MRTFB: variants seen among roughly 807,000 people sequenced by gnomAD.
MRTFB encodes the protein myocardin-related transcription factor B.
Under a neutral mutation model 104.2 loss-of-function variants are expected in MRTFB, and 29 were observed. That is an observed-to-expected ratio of 0.28 (90% CI 0.21 to 0.38). The LOEUF is 0.38. Ranked by LOEUF, MRTFB falls within the 10% of genes least tolerant of loss-of-function variation. The pLI is 1.00. For synonymous variants in MRTFB, 535 were observed against 519.5 expected (o/e 1.03, Z -0.41); for missense variants, 1,270 against 1,341.6 (o/e 0.95, Z 0.83).
chr16:14,078,177 TTG>T (rs1462714744), intron 1 of MRTFB, among the ~76,000 whole-genome samples: 1 of 152,176 alleles, frequency 6.6e-6, no homozygotes, highest in East Asian at 1.9e-4. Context: ...TGCATGTAGC[TTG>T]TCTGTCATGC....
intron 8 of MRTFB, among the ~76,000 whole-genome samples, chr16:14,222,127 G>C (rs1567183961): frequency 6.6e-6 from 1 of 152,096 alleles, no homozygotes; most frequent in Admixed American, 6.6e-5. Context: ...AGTACAAGTG[G>C]TGGGGTAACA....
At chr16:14,194,397 C>T (rs1185770014) in intron 3 of MRTFB, among the ~76,000 whole-genome samples, 1 of 152,182 alleles carries the variant, frequency 6.6e-6, no homozygotes, top group Non-Finnish European at 1.5e-5. Flanking sequence ...CTCATGAGGA[C>T]ACTAACCCTG....
chr16:14,030,890 G>A, the MRTFB span, among the ~76,000 whole-genome samples: 9 of 152,312 alleles, frequency 5.9e-5, no homozygotes, highest in African/African-American at 2.2e-4. Context: ...GAATCCTGCA[G>A]GTTAGGAACA....
At chr16:14,246,446 A>G (rs768722178) in intron 11 of MRTFB, 27 bp from the exon 12 acceptor site, 1 of 1,606,554 alleles carries the variant, frequency 6.2e-7, no homozygotes, top group Admixed American at 1.7e-5. Context: ...TCTAATACTA[A>G]GATATCTGCT....
At chr16:14,244,301 T>C (rs1361258171) in intron 10 of MRTFB, among the ~76,000 whole-genome samples, 2 of 152,162 alleles carry the variant, frequency 1.3e-5, no homozygotes, top group Non-Finnish European at 2.9e-5. Context: ...TCTTGATGCG[T>C]AGTTGGGTTG....
intron 3 of MRTFB, chr16:14,152,809 G>T (rs1168160772): frequency 6.6e-6 from 1 of 152,090 alleles, no homozygotes; most frequent in African/African-American, 2.4e-5. Context: ...CCTTCTTCGT[G>T]TGTTTCTTTT....
chr16:14,254,301 A>T (rs1256255187), intron 15 of MRTFB, among the ~76,000 whole-genome samples: 1 of 152,378 alleles, frequency 6.6e-6, no homozygotes, highest in Non-Finnish European at 1.5e-5. Flanking sequence ...AATGTGGGTC[A>T]TAACAAAAAG....
chr16:14,154,546 A>T (rs751946643), intron 3 of MRTFB, among the ~76,000 whole-genome samples: 1 of 152,314 alleles, frequency 6.6e-6, no homozygotes, highest in South Asian at 2.1e-4. Context: ...ATAGTTATCT[A>T]TTGCTTTGTA....
At chr16:14,083,617 T>C (rs964534706) in intron 2 of MRTFB, among the ~76,000 whole-genome samples, 2 of 152,216 alleles carry the variant, frequency 1.3e-5, no homozygotes, top group African/African-American at 4.8e-5. Context: ...GGTATCTCTC[T>C]CCACGCTGTG....
Position 14,260,945 on chromosome 16 carries a change from T to G in MRTFB, c.2801T>G (p.Ile934Ser), listed in dbSNP as rs768308272. ...CCCATAAAAGAAGAACCTTCTCCTA[T>G]TTCCAAAATGAGACCAGTGACAGCC... The part of the protein sequence containing the change: ...SLPIKEEPSP[I>S]SKMRPVTASI... Residue 934 changes from isoleucine (I) to serine (S), a missense_variant, in exon 17 of 17, where the codon ATT becomes AGT. Physicochemically the swap from Ile to Ser is moderately radical, Grantham distance 142. Coordinates refer to ENST00000571589, the MANE Select transcript of MRTFB (RefSeq NM_001308142.2). 6.2e-7 allele frequency: 1 copy of G among 1,612,346 alleles called. No individual in the cohort carries two copies. Among genetic ancestry groups the G allele is most frequent in the South Asian group, 1.1e-5 (1 of 90,788 alleles).
At chr16:14,021,536 C>G in the MRTFB span, among the ~76,000 whole-genome samples, 2 of 152,178 alleles carry the variant, frequency 1.3e-5, no homozygotes, top group Admixed American at 1.3e-4. Flanking sequence ...AAGCAGTATA[C>G]ACTGCACCCA....
chr16:14,085,708 T>C (rs1157690124), intron 2 of MRTFB, among the ~76,000 whole-genome samples: 1 of 152,156 alleles, frequency 6.6e-6, no homozygotes, highest in East Asian at 1.9e-4. Flanking sequence ...TTGGTAAATA[T>C]TGTCATTGTT....
At chr16:14,004,011 G>A in the MRTFB span, among the ~76,000 whole-genome samples, 2 of 152,190 alleles carry the variant, frequency 1.3e-5, no homozygotes, top group Admixed American at 6.5e-5. Flanking sequence ...CCATAATGCG[G>A]GTTTGTGAGA....
chr16:14,058,163 G>A, the MRTFB span, among the ~76,000 whole-genome samples: 1 of 152,180 alleles, frequency 6.6e-6, no homozygotes. Flanking sequence ...TCCCGGGGGT[G>A]CCAGGAGTGC....
chr16:14,074,130 G>C (rs1238901639), intron 1 of MRTFB, among the ~76,000 whole-genome samples: 5 of 152,048 alleles, frequency 3.3e-5, no homozygotes, highest in African/African-American at 1.2e-4. Context: ...TGCGTGTTAC[G>C]TTTGAAAGGT....
At chr16:14,254,690 T>C (rs1272087205) in intron 15 of MRTFB, among the ~76,000 whole-genome samples, 3 of 152,248 alleles carry the variant, frequency 2.0e-5, no homozygotes, top group Admixed American at 2.0e-4. Context: ...ACCAAGTTAA[T>C]AGCTTGCTAA....
At chr16:14,231,184 A>G (rs1281816483) in intron 8 of MRTFB, among the ~76,000 whole-genome samples, 1 of 151,840 alleles carries the variant, frequency 6.6e-6, no homozygotes, top group Non-Finnish European at 1.5e-5. Context: ...CCTAATGCTA[A>G]ATGACGAGTT....
chr16:14,092,063 A>G (rs2035108267), intron 2 of MRTFB, among the ~76,000 whole-genome samples: 1 of 150,024 alleles, frequency 6.7e-6, no homozygotes, highest in African/African-American at 2.4e-5. Flanking sequence ...CTATGATGGC[A>G]CCACTTCTGT....
chr16:14,189,907 TTA>T, intron 3 of MRTFB, among the ~76,000 whole-genome samples: 1 of 152,290 alleles, frequency 6.6e-6, no homozygotes, highest in East Asian at 1.9e-4. Flanking sequence ...GCTGAAATTA[TTA>T]TGAGGGGAAA....
Sources: gnomAD v4.1 joint callset for allele counts (sites outside exome capture counted in the v4.1 genomes callset) on GRCh38, gnomAD v4.1.1 for gene constraint, MANE v1.5 for transcripts, NCBI Gene and HGNC (gene_info 2026-07-23, HGNC 2026-07-21) for gene names.